CRYM: variants seen among roughly 807,000 people sequenced by gnomAD.
CRYM encodes crystallin mu.
In CRYM, 18 loss-of-function variants were observed where a neutral mutation model predicts 32.9. The observed-to-expected ratio is 0.55, with a 90% CI of 0.38 to 0.81. The LOEUF (loss-of-function observed/expected upper bound fraction) is 0.81. Ranked by LOEUF, CRYM falls within the 30% of genes least tolerant of loss-of-function variation. CRYM has a pLI of 0.00. For synonymous variants in CRYM, 153 were observed against 152.4 expected (o/e 1.00, Z -0.03); for missense variants, 337 against 393.5 (o/e 0.86, Z 1.21).
chr16:21,271,985 A>G (rs1230872882), intron 3 of CRYM, among the ~76,000 whole-genome samples: 1 of 150,230 alleles, frequency 6.7e-6, no homozygotes, highest in African/African-American at 2.5e-5. Flanking sequence ...CAGCCTCCCG[A>G]GTAGCTGGGA....
chr16:21,290,209 T>G (rs1203798343), intron 1 of CRYM, among the ~76,000 whole-genome samples: 2 of 152,190 alleles, frequency 1.3e-5, no homozygotes, highest in Non-Finnish European at 2.9e-5. Context: ...CAATAAGTCT[T>G]GCTGCTGCTC....
chr16:21,258,828 T>C lies in CRYM; in HGVS notation c.898A>G (p.Thr300Ala), dbSNP rs771122602. ...TCATAGATGAGTTTGGCTGCAACTG[T>C]GTCTTCCACTGCCATTCCTAGAATA... Reference protein sequence around the residue: ...FKSLGMAVEDTVAAKLIYDSW... With the variant: ...FKSLGMAVEDAVAAKLIYDSW... Residue 300 changes from threonine (T) to alanine (A), a missense_variant, in exon 8 of 8, where the codon ACA (threonine) becomes GCA (alanine). By Grantham distance (58) the Thr-to-Ala change is moderately conservative. Coordinates refer to ENST00000572914, the MANE Select transcript of CRYM (RefSeq NM_001376256.1). 2.5e-6 allele frequency: 4 copies of C among 1,614,186 alleles called. No homozygotes were observed. The highest frequency in any genetic ancestry group is 3.3e-5 in the Admixed American group (2 of 60,028).
chr16:21,269,742 A>G (rs751172553), intron 4 of CRYM, 48 bp downstream of exon 4: 3 of 1,153,690 alleles, frequency 2.6e-6, no homozygotes, highest in Non-Finnish European at 3.9e-6. Context: ...AGACAGGTCA[A>G]GGACCACCCC....
At chr16:21,267,776 T>A (rs1567232755) in intron 4 of CRYM, 39 bp from the exon 5 acceptor site, 1 of 1,611,560 alleles carries the variant, frequency 6.2e-7, no homozygotes, top group East Asian at 2.2e-5. Context: ...GGCGCCATTT[T>A]TTGGCTGCTT....
intron 1 of CRYM, among the ~76,000 whole-genome samples, chr16:21,296,676 T>A (rs1449187903): frequency 6.6e-6 from 1 of 152,154 alleles, no homozygotes; most frequent in East Asian, 1.9e-4. Context: ...GAGTGCAGAT[T>A]TTGTAACAAG....
At chr16:21,294,988 C>A (rs1960757781) in intron 1 of CRYM, among the ~76,000 whole-genome samples, 1 of 152,084 alleles carries the variant, frequency 6.6e-6, no homozygotes, top group African/African-American at 2.4e-5. Flanking sequence ...AACCACCACA[C>A]CGTGCTGATT....
chr16:21,266,639 AT>A (rs1310232876), intron 5 of CRYM, among the ~76,000 whole-genome samples: 1 of 152,220 alleles, frequency 6.6e-6, no homozygotes, highest in African/African-American at 2.4e-5. Flanking sequence ...AAAGTGACTC[AT>A]TTGGCCTTTC....
In CRYM at chr16:21,267,649, T is replaced by A; in HGVS notation, c.578A>T (p.Glu193Val). Residue 193 changes from glutamate to valine, a missense_variant, in exon 5 of 8, where the codon GAG (glutamate) becomes GTG (valine). Physicochemically the swap from Glu to Val is moderately radical, Grantham distance 121. Coordinates refer to ENST00000572914, the MANE Select transcript of CRYM (RefSeq NM_001376256.1). The part of the protein sequence containing the change: ...GEVRVCSSVQ[E>V]AVAGADVIIT... ...GATCACATCTGCACCTGCCACAGCC[T>A]CCTGGACCGAAGAACAGACCCGTAC... The A allele has an allele frequency of 6.2e-7, 1 of 1,614,198 alleles. No individual in the cohort carries two copies. The highest frequency in any genetic ancestry group is 2.2e-5 in the East Asian group (1 of 44,890).
At chr16:21,296,151 T>G (rs1162566489) in intron 1 of CRYM, among the ~76,000 whole-genome samples, 1 of 152,210 alleles carries the variant, frequency 6.6e-6, no homozygotes, top group African/African-American at 2.4e-5. Flanking sequence ...TTGGTCAGGC[T>G]GGTCTCCAAC....
intron 1 of CRYM, among the ~76,000 whole-genome samples, chr16:21,285,675 T>A (rs2093406132): frequency 6.6e-6 from 1 of 152,228 alleles, no homozygotes; most frequent in South Asian, 2.1e-4. Flanking sequence ...AAACAGATCC[T>A]TATTGAACTT....
chr16:21,262,228 G>A, intron 5 of CRYM, 70 bp from the exon 6 acceptor site: 1 of 1,602,972 alleles, frequency 6.2e-7, no homozygotes, highest in Non-Finnish European at 8.5e-7. Flanking sequence ...CCAAAGCACA[G>A]GAGAGAGGTG....
intron 3 of CRYM, among the ~76,000 whole-genome samples, chr16:21,270,582 C>A (rs2093373408): frequency 6.6e-6 from 1 of 152,112 alleles, no homozygotes; most frequent in Non-Finnish European, 1.5e-5. Context: ...CCGCACCTAG[C>A]CAGGTCTTAC....
upstream of CRYM, among the ~76,000 whole-genome samples, chr16:21,281,520 C>T (rs772410707): frequency 2.8e-4 from 42 of 152,214 alleles, no homozygotes; most frequent in Non-Finnish European, 4.7e-4. Flanking sequence ...CATGAGCCAC[C>T]GTGCCCGGCT....
intron 1 of CRYM, among the ~76,000 whole-genome samples, chr16:21,290,497 G>A (rs554108745): frequency 9.2e-5 from 14 of 152,220 alleles, no homozygotes; most frequent in Non-Finnish European, 1.0e-4. Flanking sequence ...AACACTCACC[G>A]CAAGGGTCCG....
intron 1 of CRYM, among the ~76,000 whole-genome samples, chr16:21,292,515 A>G (rs1274121719): frequency 6.6e-6 from 1 of 152,224 alleles, no homozygotes; most frequent in Non-Finnish European, 1.5e-5. Flanking sequence ...TTATACGCTC[A>G]AAACAATCTC....
chr16:21,280,851 T>A (rs1043143932), upstream of CRYM, among the ~76,000 whole-genome samples: 7 of 152,124 alleles, frequency 4.6e-5, no homozygotes, highest in African/African-American at 9.7e-5. Flanking sequence ...ACACCTGTAA[T>A]CCCAGCACTT....
intron 3 of CRYM, among the ~76,000 whole-genome samples, chr16:21,274,828 A>G (rs1218054748): frequency 6.6e-6 from 1 of 151,776 alleles, no homozygotes; most frequent in Non-Finnish European, 1.5e-5. Flanking sequence ...CTGGTCTCCA[A>G]CTCCTGAGCT....
At chr16:21,286,199 A>G (rs1194117041) in intron 1 of CRYM, among the ~76,000 whole-genome samples, 1 of 151,582 alleles carries the variant, frequency 6.6e-6, no homozygotes, top group African/African-American at 2.4e-5. Flanking sequence ...ATCTCTTAGA[A>G]TAGACATAGT....
intron 4 of CRYM, 47 bp from the exon 5 acceptor site, chr16:21,267,784 C>A (rs762278803): frequency 6.2e-7 from 1 of 1,602,608 alleles, no homozygotes; most frequent in Non-Finnish European, 8.5e-7. Context: ...TTTTTGGCTG[C>A]TTATGTTACA....
Sources: gnomAD v4.1 joint callset for allele counts (sites outside exome capture counted in the v4.1 genomes callset) on GRCh38, gnomAD v4.1.1 for gene constraint, MANE v1.5 for transcripts, NCBI Gene and HGNC (gene_info 2026-07-23, HGNC 2026-07-21) for gene names.